Variants in NCR3 observed in about 807,000 individuals in gnomAD.
The protein encoded by NCR3 is natural cytotoxicity triggering receptor 3.
Under a neutral mutation model 16.1 loss-of-function variants are expected in NCR3, and 13 were observed. The ratio of observed to expected loss-of-function variants is 0.81; its 90% confidence interval spans 0.53 to 1.28. The LOEUF (loss-of-function observed/expected upper bound fraction) is 1.28. NCR3 is among the 50% of genes most tolerant of loss of function. The pLI is 0.00. For missense variants in NCR3, 202 were observed against 256.8 expected (o/e 0.79, Z 1.46); for synonymous variants, 98 against 106.6 (o/e 0.92, Z 0.50).
chr6:31,592,368 G>C (rs1226072687), intron 1 of NCR3, among the ~76,000 whole-genome samples: 1 of 146,800 alleles, frequency 6.8e-6, no homozygotes, highest in African/African-American at 2.5e-5. Context: ...AGCCAAAATC[G>C]CACCACGGCA....
intron 1 of NCR3, among the ~76,000 whole-genome samples, chr6:31,592,411 CAAAAAA>C (rs9281528): frequency 2.5e-3 from 202 of 82,396 alleles, no homozygotes; most frequent in African/African-American, 8.8e-3. Context: ...GACTCAGTCT[CAAAAAA>C]AAAAAAAAAA....
rs1662143501 is a variant in NCR3 at position 31,589,614 on chromosome 6, A to T, written c.408T>A (p.Ala136=). 6.2e-7 allele frequency: 1 copy of T among 1,613,768 alleles called. No homozygotes were observed. The stretch of plus-strand genomic sequence containing the variant: ...CAGCCCGAAGGAGGAGGACTGTACC[A>T]GCCCCTAGCTGAGGATGTTCTGCAT... ...VVEKEHPQLG[A]GTVLLLRAGF... is the part of the protein sequence containing the mutation. Residue 136 remains alanine (A), a synonymous_variant, in exon 3 of 4, where the codon GCT becomes GCA. Transcript: ENST00000340027. The surrounding 1 kb of genome is among the most constrained non-coding windows in gnomAD (Gnocchi z 4.8).
intron 1 of NCR3, among the ~76,000 whole-genome samples, chr6:31,591,237 C>T (rs989005364): frequency 2.6e-5 from 4 of 152,148 alleles, no homozygotes; most frequent in Admixed American, 1.3e-4. Flanking sequence ...CTATTTAACC[C>T]GTCCATGTTG....
chr6:31,589,657 G>A lies in NCR3; in HGVS notation c.389-24C>T, dbSNP rs1451284959. 1 of 1,612,476 alleles carries A rather than the reference G, an allele frequency of 6.2e-7. No individual in the cohort carries two copies. The highest frequency in any genetic ancestry group is 2.2e-5 in the East Asian group (1 of 44,874). ...TTCTGCATGGGGCAATGGAGACGGG[G>A]GTTGGGGAAGAAGTGCACACAGGCT... On this transcript the variant is annotated intron_variant, in intron 2 of 3. Transcript: ENST00000340027. This position sits in a 1 kb window ranked among gnomAD's most constrained non-coding sequence, Gnocchi z 4.8.
rs557571503 is a variant in NCR3 at position 31,589,943 on chromosome 6, C to T, written c.227G>A (p.Arg76His). Reference protein sequence around the residue: ...VRNGTPEFRGRLAPLASSRFL... With the variant: ...VRNGTPEFRGHLAPLASSRFL... Reference sequence around the variant, plus strand: ...ACGGGAAGAAGCAAGTGGGGCCAGGCGGCCCCTGAACTCTGGGGTTCCATT... The same window carrying T: ...ACGGGAAGAAGCAAGTGGGGCCAGGTGGCCCCTGAACTCTGGGGTTCCATT... The change falls in exon 2 of 4, where the codon CGC (arginine) becomes CAC (histidine). Residue 76 changes from arginine to histidine, a missense_variant. By Grantham distance (29) the Arg-to-His change is conservative. Coordinates refer to ENST00000340027, the MANE Select transcript of NCR3 (RefSeq NM_147130.3). This position sits in a 1 kb window ranked among gnomAD's most constrained non-coding sequence, Gnocchi z 4.8. The T allele has an allele frequency of 1.6e-5, 26 of 1,613,012 alleles. 1 individual carries two copies. Among genetic ancestry groups the T allele is most frequent in the African/African-American group, 6.7e-5 (5 of 74,944 alleles).
Position 31,589,657 on chromosome 6 carries a change from G to C in NCR3, c.389-24C>G. ...TTCTGCATGGGGCAATGGAGACGGG[G>C]GTTGGGGAAGAAGTGCACACAGGCT... is the stretch of plus-strand genomic sequence containing the variant. On this transcript the variant is annotated intron_variant, in intron 2 of 3. Transcript: ENST00000340027. This position sits in a 1 kb window ranked among gnomAD's most constrained non-coding sequence, Gnocchi z 4.8. The C allele has an allele frequency of 6.2e-7, 1 of 1,612,476 alleles. No individual in the cohort carries two copies. The highest frequency in any genetic ancestry group is 8.5e-7 in the Non-Finnish European group (1 of 1,179,348).
chr6:31,591,415 C>T (rs897101378), intron 1 of NCR3, among the ~76,000 whole-genome samples: 4 of 152,114 alleles, frequency 2.6e-5, no homozygotes, highest in Non-Finnish European at 5.9e-5. Flanking sequence ...CTCAGTAGGT[C>T]TGGAGTGGGG....
Position 31,589,202 on chromosome 6 carries a change from G to C in NCR3, c.497-26C>G. On this transcript the variant is annotated intron_variant, in intron 3 of 3. Coordinates refer to ENST00000340027, the MANE Select transcript of NCR3 (RefSeq NM_147130.3). The surrounding 1 kb of genome is among the most constrained non-coding windows in gnomAD (Gnocchi z 4.8). ...CTGGTGGAAGGGAAAGTTCAGAGTT[G>C]GGGGAATCCGGAGAGAGTAGATTTG... The C allele has an allele frequency of 1.2e-6, 2 of 1,608,162 alleles. No individual in the cohort carries two copies. Among genetic ancestry groups the C allele is most frequent in the South Asian group, 2.2e-5 (2 of 90,058 alleles).
intron 1 of NCR3, among the ~76,000 whole-genome samples, chr6:31,592,374 C>T (rs182927519): frequency 3.0e-4 from 44 of 147,648 alleles, no homozygotes; most frequent in African/African-American, 9.6e-4. Context: ...AATCGCACCA[C>T]GGCACTCCAG....
chr6:31,592,254 A>G (rs1772686527), intron 1 of NCR3, among the ~76,000 whole-genome samples: 1 of 151,658 alleles, frequency 6.6e-6, no homozygotes, highest in Non-Finnish European at 1.5e-5. Flanking sequence ...CGTCTCAAAA[A>G]AAAAAAAAAT....
Position 31,589,475 on chromosome 6 carries a change from C to T in NCR3, c.496+51G>A, listed in dbSNP as rs1772412378. 1 of 1,606,058 alleles carries T rather than the reference C, an allele frequency of 6.2e-7. No individual in the cohort carries two copies. The highest frequency in any genetic ancestry group is 1.1e-5 in the South Asian group (1 of 90,330). On this transcript the variant is annotated intron_variant, in intron 3 of 3. Transcript: ENST00000340027. This position sits in a 1 kb window ranked among gnomAD's most constrained non-coding sequence, Gnocchi z 4.8. ...TCTCTGTCCTCCCTCCTCCCACTCT[C>T]TTACTGCCCCTCCCATCCCGTCCAC...
At chr6:31,592,395 G>C (rs1045289341) in intron 1 of NCR3, among the ~76,000 whole-genome samples, 1 of 147,430 alleles carries the variant, frequency 6.8e-6, no homozygotes, top group Non-Finnish European at 1.5e-5. Flanking sequence ...CCAGGCGACA[G>C]AGCGAGACTC....
chr6:31,590,275 C>G, intron 1 of NCR3, 149 bp from the exon 2 acceptor site: 1 of 663,662 alleles, frequency 1.5e-6, no homozygotes, highest in Non-Finnish European at 2.5e-6. Flanking sequence ...ACCCTTCCCT[C>G]TTAACCAATC....
At chr6:31,592,284 G>A (rs1018400397) in intron 1 of NCR3, among the ~76,000 whole-genome samples, 13 of 151,106 alleles carry the variant, frequency 8.6e-5, no homozygotes, top group African/African-American at 1.2e-4. Context: ...GTGGTCGTGC[G>A]TGCGTGTAGT....
At position 31,590,143 on chromosome 6, in the gene NCR3, G is replaced by T; in HGVS notation, c.44-17C>A. ...CACAGGATCCTGGGGGCAGAAGGAAGACCCAGAGAAACACCTCCCCAGTTA... is the reference window on the plus strand; with the variant it reads ...CACAGGATCCTGGGGGCAGAAGGAATACCCAGAGAAACACCTCCCCAGTTA... On this transcript the variant is annotated splice_polypyrimidine_tract_variant and intron_variant, in intron 1 of 3. Transcript: ENST00000340027. 6.3e-7 allele frequency: 1 copy of T among 1,586,976 alleles called. No homozygotes were observed. The highest frequency in any genetic ancestry group is 8.6e-7 in the Non-Finnish European group (1 of 1,166,948).
chr6:31,589,394 CAG>C lies in NCR3; in HGVS notation c.496+130_496+131del. On this transcript the variant is annotated intron_variant, in intron 3 of 3. Coordinates refer to ENST00000340027, the MANE Select transcript of NCR3 (RefSeq NM_147130.3). This position sits in a 1 kb window ranked among gnomAD's most constrained non-coding sequence, Gnocchi z 4.8. ...TGTTCCCATGTGACAGTGGCCTGGT[CAG>C]AGAGAGGACAGGAGCTGCTCAGTGT... 3 of 1,552,958 alleles carry C rather than the reference CAG, an allele frequency of 1.9e-6. No individual in the cohort carries two copies. The highest frequency in any genetic ancestry group is 2.6e-6 in the Non-Finnish European group (3 of 1,147,442).
At chr6:31,590,330 A>ACG (rs1772531369) in intron 1 of NCR3, among the ~76,000 whole-genome samples, 6 of 152,142 alleles carry the variant, frequency 3.9e-5, no homozygotes, top group Non-Finnish European at 8.8e-5. Context: ...GGCTGGGTGC[A>ACG]GTGGCTCACG....
chr6:31,592,988 GGCTA>G lies in NCR3; in HGVS notation c.-271_-268del. On this transcript the variant is annotated 5_prime_UTR_variant, in exon 1 of 4. Transcript: ENST00000340027. ...GAGGCCAAGGGGCCAGCTTGTGGCA[GGCTA>G]GCTAAGCGTGTGAGGGGGAGGGTGG... is the stretch of plus-strand genomic sequence containing the variant. 1.7e-6 allele frequency: 1 copy of G among 572,020 alleles called. No homozygotes were observed. Among genetic ancestry groups the G allele is most frequent in the Non-Finnish European group, 3.1e-6 (1 of 317,942 alleles). 35.4% of individuals were successfully genotyped at this position (572,020 alleles called of 1,614,324 possible).
At chr6:31,592,653 G>C (rs1772718627) in intron 1 of NCR3, 26 bp downstream of exon 1, 1 of 1,612,392 alleles carries the variant, frequency 6.2e-7, no homozygotes, top group South Asian at 1.1e-5. Context: ...CACACTCCTT[G>C]GGGTCCTGAG....
Sources: allele counts gnomAD v4.1 joint callset (sites outside exome capture counted in the v4.1 genomes callset), GRCh38; gene constraint gnomAD v4.1.1; non-coding constraint Gnocchi (gnomAD v3.1); transcripts MANE v1.5; gene names NCBI Gene and HGNC (gene_info 2026-07-23, HGNC 2026-07-21).